The following SLCO1B3 variants were observed in gnomAD, a reference collection of about 807,000 sequenced individuals.
SLCO1B3 encodes solute carrier organic anion transporter family member 1B3, also known as liver-specific organic anion transporter 2.
SLCO1B3 carries 72 observed loss-of-function variants against 71.8 expected under a neutral mutation model. The ratio of observed to expected loss-of-function variants is 1.00; its 90% CI spans 0.83 to 1.22. The LOEUF (loss-of-function observed/expected upper bound fraction) is 1.22, where lower values mean the gene tolerates loss of function less well. Ranked by LOEUF, SLCO1B3 falls within the 50% of genes most tolerant of loss-of-function variation. The pLI, the probability that SLCO1B3 is intolerant of heterozygous loss-of-function variation, is 0.00. For synonymous variants in SLCO1B3, 298 were observed against 278.4 expected, an observed-to-expected ratio of 1.07 and a Z score of -0.70; for missense variants, 911 against 819.7, an observed-to-expected ratio of 1.11 and a Z score of -1.36.
chr12:20,812,631 T>A (rs1591736680), intron 1 of SLCO1B3, among the ~76,000 whole-genome samples: 1 of 152,128 alleles, frequency 6.6e-6, no homozygotes, highest in Non-Finnish European at 1.5e-5. Flanking sequence ...GACCCTCAAA[T>A]AGGAAGTGTA....
rs756562815 is a variant in SLCO1B3, at chr12:20,915,968, AAAT to A, written c.1866-29_1866-27del. ...AAATGTAAGATATTTTACACATTTAAAATAATAATCGACTCTCTATTTTCTCTT... is the reference window on the plus strand; with the variant it reads ...AAATGTAAGATATTTTACACATTTAAAATAATCGACTCTCTATTTTCTCTT... On this transcript the variant is annotated intron_variant, in intron 15 of 15. Coordinates refer to ENST00000381545, the MANE Select transcript of SLCO1B3 (RefSeq NM_019844.4). 2.6e-6 allele frequency: 4 copies of A among 1,521,490 alleles called. No individual in the cohort carries two copies. In the Middle Eastern group the frequency reaches 8.2e-4, roughly 312 times the overall value. The allele number at this position is 1,521,490 out of a possible 1,614,324, so 94.2% of individuals were successfully genotyped here.
intron 3 of SLCO1B3, among the ~76,000 whole-genome samples, chr12:20,817,811 C>T (rs111589401): frequency 0.018 from 2,753 of 151,962 alleles, 90 homozygotes; most frequent in African/African-American, 0.062. Flanking sequence ...AGGATGGTCT[C>T]GATCTCCTGA....
intron 15 of SLCO1B3, among the ~76,000 whole-genome samples, chr12:20,907,886 ATTTAT>A (rs1866286738): frequency 1.3e-5 from 2 of 152,196 alleles, no homozygotes; most frequent in African/African-American, 4.8e-5. Flanking sequence ...TTAAGAAAAT[ATTTAT>A]TTTAATTGAA....
chr12:20,915,780 G>T (rs905139637), intron 15 of SLCO1B3, among the ~76,000 whole-genome samples: 1 of 152,086 alleles, frequency 6.6e-6, no homozygotes, highest in African/African-American at 2.4e-5. Context: ...CCAAAGGAAG[G>T]CTAGAGACAG....
chr12:20,828,586 A>T (rs1565579875), intron 3 of SLCO1B3, among the ~76,000 whole-genome samples: 1 of 152,008 alleles, frequency 6.6e-6, no homozygotes, highest in Non-Finnish European at 1.5e-5. Context: ...AGAAAAAAGA[A>T]CTTTTTCTCA....
At chr12:20,850,746 G>C (rs868757080) in intron 3 of SLCO1B3, among the ~76,000 whole-genome samples, 4 of 152,240 alleles carry the variant, frequency 2.6e-5, no homozygotes, top group Middle Eastern at 6.8e-3. Context: ...TTATAAGTGA[G>C]AACGTGCAAT....
At chr12:20,912,238 G>A (rs371465478) in intron 15 of SLCO1B3, among the ~76,000 whole-genome samples, 1 of 151,346 alleles carries the variant, frequency 6.6e-6, no homozygotes, top group African/African-American at 2.4e-5. Context: ...TAATTCCCTT[G>A]TGGTTTAAGG....
chr12:20,906,424 C>A (rs1233471645), intron 15 of SLCO1B3, among the ~76,000 whole-genome samples: 2 of 152,090 alleles, frequency 1.3e-5, no homozygotes, highest in Non-Finnish European at 2.9e-5. Flanking sequence ...AATATTGGAT[C>A]ATGACATTAT....
At chr12:20,905,525 T>G (rs1866225828) in intron 15 of SLCO1B3, among the ~76,000 whole-genome samples, 1 of 152,178 alleles carries the variant, frequency 6.6e-6, no homozygotes, top group Non-Finnish European at 1.5e-5. Context: ...GGTCACATCT[T>G]GAATGCTTTG....
chr12:20,852,531 T>A (rs988664382), intron 3 of SLCO1B3, among the ~76,000 whole-genome samples: 2 of 152,050 alleles, frequency 1.3e-5, no homozygotes, highest in Admixed American at 1.3e-4. Context: ...TGTAGATGAG[T>A]TTGGATAGTA....
In SLCO1B3 at chr12:20,916,160, A is replaced by G; in HGVS notation, c.2022A>G (p.Leu674=). ...KVMDEANLEF[L]NNGEHFVPSA... is the part of the protein sequence containing the mutation. Reference sequence around the variant, plus strand: ...TGGATGAAGCAAACTTAGAATTCTTAAATAATGGTGAACATTTTGTACCTT... The same window carrying G: ...TGGATGAAGCAAACTTAGAATTCTTGAATAATGGTGAACATTTTGTACCTT... The change falls in exon 16 of 16, where the codon TTA becomes TTG. Residue 674 remains leucine, a synonymous_variant. Transcript: ENST00000381545. 4 of 1,612,956 alleles carry G rather than the reference A, an allele frequency of 2.5e-6. No individual in the cohort carries two copies. Among genetic ancestry groups the G allele is most frequent in the Non-Finnish European group, 3.4e-6 (4 of 1,179,070 alleles).
chr12:20,904,597 G>T (rs1360957782), intron 15 of SLCO1B3, among the ~76,000 whole-genome samples: 1 of 151,860 alleles, frequency 6.6e-6, no homozygotes, highest in African/African-American at 2.4e-5. Context: ...TCTGGAGTCT[G>T]GAGGACAGTG....
intron 13 of SLCO1B3, among the ~76,000 whole-genome samples, chr12:20,889,254 G>A (rs1167069907): frequency 6.6e-6 from 1 of 151,824 alleles, no homozygotes; most frequent in Non-Finnish European, 1.5e-5. Flanking sequence ...TGATTTTTTG[G>A]AATAGTTTTA....
intron 13 of SLCO1B3, among the ~76,000 whole-genome samples, chr12:20,890,929 T>A (rs1865890529): frequency 6.6e-6 from 1 of 152,144 alleles, no homozygotes. Context: ...TTAGGTGGGT[T>A]TTTTGTATGC....
chr12:20,910,378 G>C (rs891813699), intron 15 of SLCO1B3, among the ~76,000 whole-genome samples: 6 of 152,144 alleles, frequency 3.9e-5, no homozygotes, highest in African/African-American at 1.4e-4. Context: ...CTTGAGGTCA[G>C]GTAGTATCAG....
At chr12:20,832,511 G>C (rs182865544) in intron 3 of SLCO1B3, among the ~76,000 whole-genome samples, 51 of 150,794 alleles carry the variant, frequency 3.4e-4, no homozygotes, top group Admixed American at 6.6e-4. Context: ...AAAAAAAATA[G>C]AGCAAAAGAA....
chr12:20,821,733 G>A (rs145895112), intron 3 of SLCO1B3, among the ~76,000 whole-genome samples: 21,596 of 151,944 alleles, frequency 0.14, 1,671 homozygotes, highest in African/African-American at 0.2. Context: ...CGGGACTTGC[G>A]GCTAAGGGTG....
intron 6 of SLCO1B3, 84 bp from the exon 7 acceptor site, chr12:20,862,328 A>G: frequency 7.1e-7 from 1 of 1,411,910 alleles, no homozygotes; most frequent in East Asian, 2.4e-5. Flanking sequence ...AAAAAATGGA[A>G]AAATGAAGGA....
intron 3 of SLCO1B3, among the ~76,000 whole-genome samples, chr12:20,848,059 T>G (rs1269020511): frequency 6.6e-6 from 1 of 152,096 alleles, no homozygotes; most frequent in African/African-American, 2.4e-5. Flanking sequence ...ACTAATTTCT[T>G]GTCAGAAACT....
Sources: allele counts gnomAD v4.1 joint callset (sites outside exome capture counted in the v4.1 genomes callset), GRCh38; gene constraint gnomAD v4.1.1; transcripts MANE v1.5; gene names NCBI Gene and HGNC (gene_info 2026-07-23, HGNC 2026-07-21).